The following CAMK2D variants were observed in gnomAD, a reference collection of about 807,000 sequenced individuals.
CAMK2D encodes the protein calcium/calmodulin dependent protein kinase II delta, also known as calcium/calmodulin-dependent protein kinase type II subunit delta.
Under a neutral mutation model 84.0 loss-of-function variants are expected in CAMK2D, and 37 were observed. The ratio of observed to expected loss-of-function variants is 0.44; its 90% CI spans 0.34 to 0.58. The LOEUF (loss-of-function observed/expected upper bound fraction) is 0.58, where lower values mean the gene tolerates loss of function less well. Ranked by LOEUF, CAMK2D falls within the 20% of genes least tolerant of loss-of-function variation. The pLI is 0.02. For missense variants in CAMK2D, 448 were observed against 652.5 expected, an observed-to-expected ratio of 0.69 and a Z score of 3.41; for synonymous variants, 202 against 212.5, an observed-to-expected ratio of 0.95 and a Z score of 0.43.
intron 3 of CAMK2D, among the ~76,000 whole-genome samples, chr4:113,614,936 TATC>T (rs543141226): frequency 8.9e-4 from 135 of 152,274 alleles, no homozygotes; most frequent in African/African-American, 3.0e-3. Context: ...CTGCCAATAT[TATC>T]ATGATACTAA....
Position 113,721,819 on chromosome 4 carries a change from A to G in CAMK2D, c.160+37501T>C, listed in dbSNP as rs7667420. On this transcript the variant is annotated intron_variant, in intron 2 of 20. Coordinates refer to ENST00000511664, the MANE Select transcript of CAMK2D (RefSeq NM_001321571.2). ...GGGGGCATTTTCTGGCCCTAAGACG[A>G]TATAAAGACCACTTGTACTGGTGCA... Among the ~76,000 whole-genome samples the G allele has an allele frequency of 9.3e-3, 1,415 of 152,310 alleles. 30 individuals are homozygous for G. The highest frequency in any genetic ancestry group is 0.033 in the African/African-American group (1,356 of 41,562).
At chr4:113,463,947 T>TG (rs2097424857) in intron 17 of CAMK2D, among the ~76,000 whole-genome samples, 2 of 152,352 alleles carry the variant, frequency 1.3e-5, no homozygotes, top group African/African-American at 4.8e-5. Context: ...TGTTAAATTC[T>TG]TATAAGTAGA....
chr4:113,716,179 G>A (rs1245764929), intron 2 of CAMK2D, among the ~76,000 whole-genome samples: 3 of 152,110 alleles, frequency 2.0e-5, no homozygotes, highest in Non-Finnish European at 2.9e-5. Flanking sequence ...TTTAGTCTAC[G>A]ATTTCTATCA....
At chr4:113,681,596 G>C (rs1023391684) in intron 2 of CAMK2D, among the ~76,000 whole-genome samples, 7 of 152,106 alleles carry the variant, frequency 4.6e-5, no homozygotes, top group Non-Finnish European at 8.8e-5. Flanking sequence ...AAGATAGTGA[G>C]TGACATGGCC....
At chr4:113,595,440 TTGTG>T (rs71582188) in intron 4 of CAMK2D, among the ~76,000 whole-genome samples, 35,479 of 143,276 alleles carry the variant, frequency 0.25, 4,513 homozygotes, top group Non-Finnish European at 0.31. Context: ...TTATGTATGC[TTGTG>T]TGTGTGTGTG....
Position 113,761,732 on chromosome 4 carries a change from G to A in CAMK2D, c.-664C>T. On this transcript the variant is annotated 5_prime_UTR_variant, in exon 1 of 21. Transcript: ENST00000511664. The stretch of plus-strand genomic sequence containing the variant: ...GCGCGGCTTCAAGACGGCGCGGCGA[G>A]AGAAAGAGCGCTCGGCTCAGGCGAA... 2 of 835,852 alleles carry A rather than the reference G, an allele frequency of 2.4e-6. No individual in the cohort carries two copies. The highest frequency in any genetic ancestry group is 2.9e-6 in the Non-Finnish European group (2 of 693,522). 51.8% of individuals were successfully genotyped at this position (835,852 alleles called of 1,614,324 possible).
At chr4:113,508,248 A>C (rs1237925035) in intron 13 of CAMK2D, 1 of 1,550,826 alleles carries the variant, frequency 6.4e-7, no homozygotes, top group East Asian at 2.4e-5. Flanking sequence ...TCATCTGAAC[A>C]CTCGAACTGG....
rs759885768 is a variant in CAMK2D, at chr4:113,500,523, A to G, written c.1087-12T>C. The G allele has an allele frequency of 1.3e-6, 2 of 1,581,054 alleles. No individual in the cohort carries two copies. Among genetic ancestry groups the G allele is most frequent in the East Asian group, 4.5e-5 (2 of 44,414 alleles). The stretch of plus-strand genomic sequence containing the variant: ...CTCTCAGTTGACTCCTGATGAGAAG[A>G]AAACACATTTTTAGGTTGCACGCAA... On this transcript the variant is annotated splice_polypyrimidine_tract_variant and intron_variant, in intron 15 of 20. Coordinates refer to ENST00000511664, the MANE Select transcript of CAMK2D (RefSeq NM_001321571.2).
At chr4:113,754,012 C>T (rs2099622947) in intron 2 of CAMK2D, 1 of 940,358 alleles carries the variant, frequency 1.1e-6, no homozygotes. Flanking sequence ...CTAACACTGT[C>T]CACTGAAATC....
intron 4 of CAMK2D, among the ~76,000 whole-genome samples, chr4:113,553,987 A>G (rs1186292476): frequency 2.0e-5 from 3 of 152,180 alleles, no homozygotes; most frequent in African/African-American, 4.8e-5. Context: ...GTTTTTGACT[A>G]TAAGTACCTA....
intron 4 of CAMK2D, among the ~76,000 whole-genome samples, chr4:113,562,203 C>T (rs951115774): frequency 2.6e-5 from 4 of 152,128 alleles, no homozygotes; most frequent in African/African-American, 7.2e-5. Context: ...AATGAAAACA[C>T]ATTTCTTTTA....
chr4:113,494,145 A>C (rs2097889925), intron 16 of CAMK2D, among the ~76,000 whole-genome samples: 1 of 152,184 alleles, frequency 6.6e-6, no homozygotes, highest in African/African-American at 2.4e-5. Flanking sequence ...CAGCTCGTCA[A>C]AGTCATTCTC....
chr4:113,569,574 A>C (rs1294884880), intron 4 of CAMK2D, among the ~76,000 whole-genome samples: 1 of 152,232 alleles, frequency 6.6e-6, no homozygotes, highest in African/African-American at 2.4e-5. Flanking sequence ...TAAATAGAGA[A>C]TATAAAACAA....
chr4:113,686,100 AT>A (rs1380539239), intron 2 of CAMK2D, among the ~76,000 whole-genome samples: 1 of 152,156 alleles, frequency 6.6e-6, no homozygotes, highest in Non-Finnish European at 1.5e-5. Flanking sequence ...TAAACGAATA[AT>A]GAATAAATGC....
At chr4:113,716,649 CAAAAAAAA>C (rs397750449) in intron 2 of CAMK2D, among the ~76,000 whole-genome samples, 906 of 76,162 alleles carry the variant, frequency 0.012, 11 homozygotes, top group African/African-American at 0.04. Flanking sequence ...AGACTCCATC[CAAAAAAAA>C]AAAAAAAAAA....
chr4:113,526,263 A>G (rs1047364268), intron 8 of CAMK2D, among the ~76,000 whole-genome samples: 2 of 152,186 alleles, frequency 1.3e-5, no homozygotes, highest in African/African-American at 4.8e-5. Flanking sequence ...ACATGCTCCA[A>G]CTGGGGCAAG....
At chr4:113,721,741 C>T (rs149504855) in intron 2 of CAMK2D, among the ~76,000 whole-genome samples, 6 of 152,206 alleles carry the variant, frequency 3.9e-5, no homozygotes, top group African/African-American at 1.4e-4. Context: ...TTTGTGGTGG[C>T]TTCTAATCCC....
intron 16 of CAMK2D, among the ~76,000 whole-genome samples, chr4:113,473,581 C>G (rs2097571398): frequency 6.6e-6 from 1 of 152,118 alleles, no homozygotes; most frequent in Admixed American, 6.5e-5. Context: ...CAGAAGTCAC[C>G]TGTTGAATAA....
intron 4 of CAMK2D, among the ~76,000 whole-genome samples, chr4:113,576,010 C>T (rs1263560662): frequency 6.6e-6 from 1 of 151,958 alleles, no homozygotes; most frequent in Non-Finnish European, 1.5e-5. Context: ...TTAGAAAATA[C>T]TCGGTCATCA....
Sources: gnomAD v4.1 joint callset for allele counts (sites outside exome capture counted in the v4.1 genomes callset) on GRCh38, gnomAD v4.1.1 for gene constraint, MANE v1.5 for transcripts, NCBI Gene and HGNC (gene_info 2026-07-23, HGNC 2026-07-21) for gene names.